Variants in BAIAP2L1 observed in about 807,000 individuals in gnomAD.
BAIAP2L1 encodes BAR/IMD domain containing adaptor protein 2 like 1.
Under a neutral mutation model 66.3 loss-of-function variants are expected in BAIAP2L1, and 35 were observed. The observed-to-expected ratio is 0.53, with a 90% confidence interval of 0.40 to 0.70. BAIAP2L1 has a LOEUF of 0.70. Among genes scored for constraint, BAIAP2L1 ranks in the 30% least tolerant of loss-of-function variants. The pLI, the probability that BAIAP2L1 is intolerant of heterozygous loss-of-function variation, is 0.00. For synonymous variants in BAIAP2L1, 269 were observed against 248.7 expected (o/e 1.08, Z -0.77); for missense variants, 622 against 656.9 (o/e 0.95, Z 0.58).
intron 12 of BAIAP2L1, among the ~76,000 whole-genome samples, chr7:98,300,874 G>A (rs758732858): frequency 6.6e-6 from 1 of 152,196 alleles, no homozygotes; most frequent in Non-Finnish European, 1.5e-5. Context: ...CAGGCCTTGT[G>A]TTTTTGCCGA....
intron 12 of BAIAP2L1, among the ~76,000 whole-genome samples, chr7:98,299,902 G>A (rs1800351424): frequency 1.3e-5 from 2 of 152,116 alleles, no homozygotes; most frequent in South Asian, 4.1e-4. Flanking sequence ...TTAGCTGGGT[G>A]TGGTGGCATG....
chr7:98,377,370 TG>T (rs1401882961), intron 1 of BAIAP2L1, among the ~76,000 whole-genome samples: 1 of 152,180 alleles, frequency 6.6e-6, no homozygotes, highest in Non-Finnish European at 1.5e-5. Context: ...TTCTCCATTT[TG>T]TTAGATACTC....
At chr7:98,301,893 G>A (rs1355410948) in intron 12 of BAIAP2L1, among the ~76,000 whole-genome samples, 1 of 152,168 alleles carries the variant, frequency 6.6e-6, no homozygotes, top group Non-Finnish European at 1.5e-5. Flanking sequence ...TGCGCTGGTG[G>A]AGGCTGCAGG....
chr7:98,386,889 C>T (rs932911288), intron 1 of BAIAP2L1, among the ~76,000 whole-genome samples: 5 of 151,716 alleles, frequency 3.3e-5, no homozygotes, highest in East Asian at 3.9e-4. Flanking sequence ...TTAGTAGAGA[C>T]GGGGTTTCAC....
chr7:98,348,460 A>G (rs1801924380), intron 3 of BAIAP2L1, among the ~76,000 whole-genome samples: 1 of 151,384 alleles, frequency 6.6e-6, no homozygotes, highest in Non-Finnish European at 1.5e-5. Context: ...CCAGCTACTC[A>G]GGAGGATGCA....
At chr7:98,325,762 G>A (rs1303311830) in intron 3 of BAIAP2L1, among the ~76,000 whole-genome samples, 2 of 152,194 alleles carry the variant, frequency 1.3e-5, no homozygotes, top group Admixed American at 1.3e-4. Context: ...AGTTTCAAAT[G>A]GAATGAGGAG....
chr7:98,357,460 G>C (rs1017757573), intron 2 of BAIAP2L1, among the ~76,000 whole-genome samples: 1 of 150,746 alleles, frequency 6.6e-6, no homozygotes, highest in Non-Finnish European at 1.5e-5. Flanking sequence ...CCAGCTATTC[G>C]GGAGGCTGAG....
chr7:98,386,082 G>A (rs879006065), intron 1 of BAIAP2L1: 10 of 1,514,972 alleles, frequency 6.6e-6, no homozygotes, highest in East Asian at 2.3e-5. Flanking sequence ...TCATGATTTC[G>A]ATCATCTTCT....
chr7:98,315,625 A>AAAATAAT lies in BAIAP2L1; in HGVS notation c.487-14_487-13insATTATTT, dbSNP rs1554412623. ...CGGTCTCCACATACTAAAAAAAAAA[A>AAAATAAT]AATAATAATAATAATAATTATATAA... On this transcript the variant is annotated splice_polypyrimidine_tract_variant and intron_variant, in intron 6 of 13. Transcript: ENST00000005260. 3,005 of 1,130,980 alleles carry AAAATAAT rather than the reference A, an allele frequency of 2.7e-3. 65 individuals are homozygous for AAAATAAT. In the African/African-American group the frequency reaches 0.046, roughly 17 times the overall value. The allele number at this position is 1,130,980 out of a possible 1,614,324, so 70.1% of individuals were successfully genotyped here.
chr7:98,296,493 C>T (rs1313934803), intron 12 of BAIAP2L1, among the ~76,000 whole-genome samples: 6 of 152,068 alleles, frequency 3.9e-5, no homozygotes, highest in South Asian at 2.1e-4. Flanking sequence ...GGTGTGGTGG[C>T]GCACGCCGGT....
chr7:98,399,555 C>T (rs1162409235), intron 1 of BAIAP2L1, among the ~76,000 whole-genome samples: 1 of 152,170 alleles, frequency 6.6e-6, no homozygotes, highest in East Asian at 1.9e-4. Flanking sequence ...ACCAACCGAC[C>T]AACCATTTAT....
intron 7 of BAIAP2L1, 73 bp from the exon 8 acceptor site, chr7:98,312,337 A>G (rs1487278376): frequency 3.4e-6 from 5 of 1,467,764 alleles, no homozygotes; most frequent in Non-Finnish European, 4.6e-6. Context: ...ACATCACGTC[A>G]TATCGCTGAT....
chr7:98,383,780 A>AC (rs1285557673), intron 1 of BAIAP2L1, among the ~76,000 whole-genome samples: 1 of 152,192 alleles, frequency 6.6e-6, no homozygotes, highest in Admixed American at 6.5e-5. Flanking sequence ...ATAAAAATCT[A>AC]CACATTTCTG....
intron 12 of BAIAP2L1, among the ~76,000 whole-genome samples, chr7:98,294,317 C>T (rs1197048265): frequency 6.6e-6 from 1 of 152,050 alleles, no homozygotes; most frequent in African/African-American, 2.4e-5. Flanking sequence ...TTAATAAGAC[C>T]CGAAGGTAAA....
Position 98,328,733 on chromosome 7 carries a change from A to G in BAIAP2L1, c.215-8435T>C, listed in dbSNP as rs562849601. ...TACACACCAACAAAAATGTGCCCAC[A>G]CACTCCTCAACAGGCCATTTTCTAG... is the stretch of plus-strand genomic sequence containing the variant. On this transcript the variant is annotated intron_variant, in intron 3 of 13. Coordinates refer to ENST00000005260, the MANE Select transcript of BAIAP2L1 (RefSeq NM_018842.5). 1.4e-4 allele frequency among the ~76,000 whole-genome samples: 22 copies of G among 152,012 alleles called. No homozygotes were observed. The South Asian group carries it at 4.4e-3, about 30-fold the overall frequency.
rs975741247 is a variant in BAIAP2L1, at chr7:98,294,243, T to G, written c.1423-132A>C. On this transcript the variant is annotated intron_variant, in intron 12 of 13. Transcript: ENST00000005260. ...CCTGAGCTCACGTGATCCTTCCACC[T>G]TGGCCTCCTAATGTGCTGGGACTAC... 9 of 888,022 alleles carry G rather than the reference T, an allele frequency of 1.0e-5. No individual in the cohort carries two copies. The East Asian group carries it at 2.4e-4, about 24-fold the overall frequency. The allele number at this position is 888,022 out of a possible 1,614,324, so 55.0% of individuals were successfully genotyped here.
At chr7:98,355,228 A>G (rs1054396096) in intron 2 of BAIAP2L1, 100 bp from the exon 3 acceptor site, 3 of 851,490 alleles carry the variant, frequency 3.5e-6, no homozygotes. Context: ...TTCTGGCTGC[A>G]GGAAGGTTTG....
At chr7:98,317,154 ACCT>A in intron 6 of BAIAP2L1, 62 bp downstream of exon 6, 1 of 1,605,736 alleles carries the variant, frequency 6.2e-7, no homozygotes, top group East Asian at 2.2e-5. Context: ...CACCCGGCTA[ACCT>A]CCTCTTAAAC....
chr7:98,348,948 G>A (rs1358932970), intron 3 of BAIAP2L1, among the ~76,000 whole-genome samples: 1 of 152,260 alleles, frequency 6.6e-6, no homozygotes. Context: ...AAAGTGAGAT[G>A]TGGCCTGGCC....
Sources: gnomAD v4.1 joint callset for allele counts (sites outside exome capture counted in the v4.1 genomes callset) on GRCh38, gnomAD v4.1.1 for gene constraint, MANE v1.5 for transcripts, NCBI Gene and HGNC (gene_info 2026-07-23, HGNC 2026-07-21) for gene names.